The following ZNF385D variants were observed in gnomAD, a reference collection of about 807,000 sequenced individuals.
ZNF385D encodes the protein zinc finger protein 659.
Under a neutral mutation model 35.8 loss-of-function variants are expected in ZNF385D, and 15 were observed. That is an observed-to-expected ratio of 0.42 (90% CI 0.28 to 0.64). The LOEUF is 0.64. Among genes scored for constraint, ZNF385D ranks in the 30% least tolerant of loss-of-function variants. The pLI, the probability that ZNF385D is intolerant of heterozygous loss-of-function variation, is 0.23. For missense variants in ZNF385D, 474 were observed against 494.6 expected, an observed-to-expected ratio of 0.96 and a Z score of 0.39; for synonymous variants, 212 against 186.8, an observed-to-expected ratio of 1.13 and a Z score of -1.10.
At chr3:22,086,347 C>T (rs1462038355) in intron 3 of ZNF385D, among the ~76,000 whole-genome samples, 1 of 152,210 alleles carries the variant, frequency 6.6e-6, no homozygotes, top group Non-Finnish European at 1.5e-5. Context: ...TAAGCAACTT[C>T]AGCAAAGTCT....
intron 2 of ZNF385D, among the ~76,000 whole-genome samples, chr3:21,572,997 C>A (rs897578382): frequency 4.6e-5 from 7 of 152,014 alleles, no homozygotes; most frequent in African/African-American, 1.7e-4. Flanking sequence ...AGCACAAACA[C>A]ATGAACTTAA....
intron 1 of ZNF385D, among the ~76,000 whole-genome samples, chr3:21,718,458 A>G (rs1219753095): frequency 6.6e-6 from 1 of 152,222 alleles, no homozygotes. Context: ...ATAACAACGA[A>G]AGCCAGTATT....
intron 3 of ZNF385D, among the ~76,000 whole-genome samples, chr3:22,132,043 TTCA>T (rs1703828736): frequency 6.6e-6 from 1 of 152,164 alleles, no homozygotes; most frequent in Non-Finnish European, 1.5e-5. Flanking sequence ...TGACATTTTG[TTCA>T]TCAATTGATA....
rs1212925192 is a variant in ZNF385D, at chr3:21,891,010, G to C, written c.326-225982C>G. 2.6e-5 allele frequency among the ~76,000 whole-genome samples: 4 copies of C among 152,110 alleles called. No homozygotes were observed. The East Asian group carries it at 7.7e-4, about 29-fold the overall frequency. ...AGAAAAGCAAACCCACTTGGAACTG[G>C]ACTAATACAGGTTTGGATTTTACCT... On this transcript the variant is annotated intron_variant, in intron 3 of 5. Transcript: ENST00000494108.
chr3:22,059,157 C>T (rs1314455999), intron 3 of ZNF385D, among the ~76,000 whole-genome samples: 1 of 152,056 alleles, frequency 6.6e-6, no homozygotes, highest in East Asian at 1.9e-4. Flanking sequence ...TTAAAAAGGA[C>T]CCTGTGTAAT....
intron 3 of ZNF385D, among the ~76,000 whole-genome samples, chr3:21,763,637 A>C (rs2070712281): frequency 6.6e-6 from 1 of 152,178 alleles, no homozygotes. Flanking sequence ...CACTTCCTAT[A>C]AATAAAACAA....
Position 21,657,279 on chromosome 3 carries a change from CAA to C in ZNF385D, c.165+7605_165+7606del, listed in dbSNP as rs753518489. Among the ~76,000 whole-genome samples the C allele has an allele frequency of 4.6e-5, 7 of 152,006 alleles. No individual in the cohort carries two copies. The South Asian group carries it at 8.3e-4, about 18-fold the overall frequency. On this transcript the variant is annotated intron_variant, in intron 2 of 7. Transcript: ENST00000281523. ...ATCAGAGGAGAATGCGCTACCTATT[CAA>C]AGAGTAAACAAGGATTAAATAAGAA...
intron 2 of ZNF385D, among the ~76,000 whole-genome samples, chr3:22,242,956 T>C (rs748327919): frequency 2.0e-5 from 3 of 150,980 alleles, no homozygotes; most frequent in Non-Finnish European, 2.9e-5. Context: ...TACATGTAAA[T>C]GTTAATGACC....
chr3:21,974,924 C>G (rs781453666), intron 3 of ZNF385D, among the ~76,000 whole-genome samples: 2 of 152,090 alleles, frequency 1.3e-5, no homozygotes, highest in Non-Finnish European at 2.9e-5. Context: ...ATAGCAAATG[C>G]TGGCAAGGAA....
intron 3 of ZNF385D, among the ~76,000 whole-genome samples, chr3:21,521,164 G>A (rs1479813938): frequency 6.6e-6 from 1 of 152,128 alleles, no homozygotes; most frequent in Non-Finnish European, 1.5e-5. Flanking sequence ...GATCCACAGG[G>A]TCCACAAAAT....
chr3:21,695,539 T>A (rs1016467648), intron 1 of ZNF385D, among the ~76,000 whole-genome samples: 1 of 152,118 alleles, frequency 6.6e-6, no homozygotes, highest in Non-Finnish European at 1.5e-5. Flanking sequence ...CAATAGCCCA[T>A]CCAGCTAATG....
chr3:22,116,092 T>C (rs150731983), intron 3 of ZNF385D, among the ~76,000 whole-genome samples: 241 of 152,176 alleles, frequency 1.6e-3, no homozygotes, highest in African/African-American at 5.4e-3. Flanking sequence ...TATTTACACA[T>C]AAGTATGATT....
At chr3:22,028,808 G>A (rs890689988) in intron 3 of ZNF385D, among the ~76,000 whole-genome samples, 1 of 152,148 alleles carries the variant, frequency 6.6e-6, no homozygotes, top group Admixed American at 6.5e-5. Context: ...TGAAGCAGCT[G>A]GATTTATAAA....
intron 2 of ZNF385D, among the ~76,000 whole-genome samples, chr3:22,265,891 T>C (rs1268998169): frequency 3.3e-5 from 5 of 151,986 alleles, no homozygotes; most frequent in Admixed American, 1.3e-4. Context: ...CTTGACATCA[T>C]ATAACTAATA....
At chr3:21,641,135 G>A (rs2065592872) in intron 2 of ZNF385D, among the ~76,000 whole-genome samples, 1 of 152,050 alleles carries the variant, frequency 6.6e-6, no homozygotes. Context: ...TTTTCCTGAC[G>A]TGTTCTTGCT....
chr3:22,076,998 A>C (rs1700496388), intron 3 of ZNF385D, among the ~76,000 whole-genome samples: 1 of 151,874 alleles, frequency 6.6e-6, no homozygotes. Context: ...ATTTATAAGG[A>C]CTCTTTGGTT....
intron 2 of ZNF385D, among the ~76,000 whole-genome samples, chr3:21,594,643 A>G (rs2064079797): frequency 6.6e-6 from 1 of 152,210 alleles, no homozygotes; most frequent in East Asian, 1.9e-4. Context: ...GCCACCGGGA[A>G]TTTAAAGCTT....
chr3:21,753,083 A>C (rs2070178877), upstream of ZNF385D, among the ~76,000 whole-genome samples: 1 of 152,198 alleles, frequency 6.6e-6, no homozygotes, highest in African/African-American at 2.4e-5. Flanking sequence ...AATCATTAAT[A>C]ACACGCTTGC....
At chr3:22,033,374 C>T (rs972133891) in intron 3 of ZNF385D, among the ~76,000 whole-genome samples, 1 of 150,256 alleles carries the variant, frequency 6.7e-6, no homozygotes, top group African/African-American at 2.5e-5. Flanking sequence ...TGCACTCCAA[C>T]CTGGGTGACA....
Sources: gnomAD v4.1 joint callset for allele counts (sites outside exome capture counted in the v4.1 genomes callset) on GRCh38, gnomAD v4.1.1 for gene constraint, MANE v1.5 for transcripts, NCBI Gene and HGNC (gene_info 2026-07-23, HGNC 2026-07-21) for gene names.